The following WNT10A variants were observed in gnomAD, a reference collection of about 807,000 sequenced individuals.
WNT10A encodes the protein Wnt family member 10A.
Under a neutral mutation model 36.1 loss-of-function variants are expected in WNT10A, and 37 were observed. The observed-to-expected ratio is 1.02, with a 90% confidence interval of 0.79 to 1.35. The LOEUF (loss-of-function observed/expected upper bound fraction) is 1.35, where lower values mean the gene tolerates loss of function less well. Among genes scored for constraint, WNT10A ranks in the 40% most tolerant of loss-of-function variants. The probability of loss-of-function intolerance (pLI) is 0.00; values close to 1 mark genes in which losing one functional copy is unlikely to be tolerated. For missense variants in WNT10A, 613 were observed against 601.4 expected, an observed-to-expected ratio of 1.02 and a Z score of -0.20; for synonymous variants, 255 against 254.1, an observed-to-expected ratio of 1.00 and a Z score of -0.03.
In WNT10A at chr2:218,882,400, A is replaced by G. The variant is rs1559412676; in HGVS notation, c.353A>G (p.Tyr118Cys). 2 of 1,614,122 alleles carry G rather than the reference A, an allele frequency of 1.2e-6. No individual in the cohort carries two copies. The highest frequency in any genetic ancestry group is 1.7e-5 in the Admixed American group (1 of 60,016). Reference protein sequence around the residue: ...SSLETRNKIPYESPIFSRGFR... With the variant: ...SSLETRNKIPCESPIFSRGFR... ...CTGGAGACTCGCAACAAGATCCCCT[A>G]TGAGAGTCCCATCTTCAGCAGAGGT... The change falls in exon 2 of 4, where the codon TAT becomes TGT. Residue 118 changes from tyrosine to cysteine, a missense_variant. By Grantham distance (194) the Tyr-to-Cys change is radical. Coordinates refer to ENST00000258411, the MANE Select transcript of WNT10A (RefSeq NM_025216.3).
chr2:218,887,169 C>G (rs1401614726), intron 2 of WNT10A, among the ~76,000 whole-genome samples: 1 of 152,160 alleles, frequency 6.6e-6, no homozygotes, highest in Non-Finnish European at 1.5e-5. Flanking sequence ...AGAAAGATGC[C>G]AGACCTGGGA....
At chr2:218,892,122 A>G (rs1420931249) in intron 3 of WNT10A, among the ~76,000 whole-genome samples, 1 of 151,940 alleles carries the variant, frequency 6.6e-6, no homozygotes, top group Non-Finnish European at 1.5e-5. Flanking sequence ...CCTAGGACGA[A>G]CCATGGGTCT....
Position 218,890,296 on chromosome 2 carries a change from A to G in WNT10A, c.689A>G (p.Asp230Gly), listed in dbSNP as rs780365309. 1 of 1,605,940 alleles carries G rather than the reference A, an allele frequency of 6.2e-7. No homozygotes were observed. Among genetic ancestry groups the G allele is most frequent in the South Asian group, 1.1e-5 (1 of 91,060 alleles). Residue 230 changes from aspartate (D) to glycine (G), a missense_variant, in exon 3 of 4, where the codon GAC becomes GGC. Transcript: ENST00000258411. ...FGERFSKDFLDSREPHRDIHA... is the reference protein window; with the variant it reads ...FGERFSKDFLGSREPHRDIHA... Reference sequence around the variant, plus strand: ...GAGCGCTTTTCTAAGGACTTTCTGGACTCCCGGGAGCCTCACAGAGACATC... The same window carrying G: ...GAGCGCTTTTCTAAGGACTTTCTGGGCTCCCGGGAGCCTCACAGAGACATC...
Position 218,890,100 on chromosome 2 carries a change from G to A in WNT10A, c.493G>A (p.Gly165Arg), listed in dbSNP as rs77583146. Residue 165 changes from glycine (G) to arginine (R), a missense_variant, in exon 3 of 4, where the codon GGG (glycine) becomes AGG (arginine). Transcript: ENST00000258411. ...CTGTGGCTGTGATGCGTCCCGGCGAGGGGACGAGGAGGCCTTCCGTAGGAA... is the reference window on the plus strand; with the variant it reads ...CTGTGGCTGTGATGCGTCCCGGCGAAGGGACGAGGAGGCCTTCCGTAGGAA... The part of the protein sequence containing the change: ...KACGCDASRR[G>R]DEEAFRRKLH... The A allele has an allele frequency of 0.01, 16,609 of 1,614,184 alleles. 108 individuals carry two copies. The highest frequency in any genetic ancestry group is 0.013 in the Non-Finnish European group (14,971 of 1,180,046).
chr2:218,875,187 T>C, the WNT10A span, among the ~76,000 whole-genome samples: 5 of 98,596 alleles, frequency 5.1e-5, no homozygotes, highest in African/African-American at 2.1e-4. Flanking sequence ...TTTTTTTTTT[T>C]TTTTTTTTTT....
At chr2:218,886,855 T>G (rs2106014443) in intron 2 of WNT10A, among the ~76,000 whole-genome samples, 1 of 152,338 alleles carries the variant, frequency 6.6e-6, no homozygotes, top group East Asian at 1.9e-4. Flanking sequence ...GGCCCTGCCT[T>G]GTCACCTCTG....
At chr2:218,881,307 G>C (rs538896382) in intron 1 of WNT10A, among the ~76,000 whole-genome samples, 199 bp downstream of exon 1, 1 of 152,318 alleles carries the variant, frequency 6.6e-6, no homozygotes, top group African/African-American at 2.4e-5. Flanking sequence ...GCAGTCCAGG[G>C]AGACAAGGCA....
upstream of WNT10A, among the ~76,000 whole-genome samples, chr2:218,878,910 G>A (rs1033830964): frequency 6.6e-6 from 1 of 152,068 alleles, no homozygotes; most frequent in African/African-American, 2.4e-5. The surrounding 1 kb of genome is among the most constrained non-coding windows in gnomAD (Gnocchi z 4.1). Context: ...TACCCTTACC[G>A]CTTACCCTTC....
At chr2:218,892,361 G>T (rs1225187988) in intron 3 of WNT10A, among the ~76,000 whole-genome samples, 9 of 143,364 alleles carry the variant, frequency 6.3e-5, no homozygotes, top group Non-Finnish European at 1.4e-4. Flanking sequence ...ACACACACAC[G>T]GCCTGGAGCG....
At chr2:218,889,879 G>A in intron 2 of WNT10A, 105 bp from the exon 3 acceptor site, 1 of 1,571,750 alleles carries the variant, frequency 6.4e-7, no homozygotes. Flanking sequence ...AGACTCTCCT[G>A]CATACTGGGC....
rs924058194 is a variant in WNT10A at position 218,892,833 on chromosome 2, G to A, written c.816G>A (p.Gln272=). The part of the protein sequence containing the change: ...CKCHGTSGSC[Q]LKTCWQVTPE... ...GCCACGGCACGTCAGGCAGCTGCCA[G>A]CTCAAGACGTGCTGGCAGGTGACGC... The change falls in exon 4 of 4, where the codon CAG becomes CAA. Residue 272 remains glutamine, a synonymous_variant. Coordinates refer to ENST00000258411, the MANE Select transcript of WNT10A (RefSeq NM_025216.3). 5.6e-6 allele frequency: 9 copies of A among 1,596,144 alleles called. No individual in the cohort carries two copies. The highest frequency in any genetic ancestry group is 6.0e-6 in the Non-Finnish European group (7 of 1,172,864).
At position 218,882,253 on chromosome 2, in the gene WNT10A, G is replaced by A. The variant is rs751841151; in HGVS notation, c.206G>A (p.Arg69Gln). 1.5e-5 allele frequency: 25 copies of A among 1,614,044 alleles called. No individual in the cohort carries two copies. The East Asian group carries it at 2.2e-4, about 14-fold the overall frequency. Reference protein sequence around the residue: ...TVCLTLPGLSRRQMEVCVRHP... With the variant: ...TVCLTLPGLSQRQMEVCVRHP... ...TGCCTAACATTGCCAGGCCTGAGCC[G>A]GCGGCAGATGGAGGTGTGTGTGCGT... The change falls in exon 2 of 4, where the codon CGG becomes CAG. Residue 69 changes from arginine (R) to glutamine (Q), a missense_variant. Transcript: ENST00000258411.
intron 2 of WNT10A, among the ~76,000 whole-genome samples, chr2:218,887,322 G>C (rs1944590082): frequency 6.6e-6 from 1 of 152,138 alleles, no homozygotes. Context: ...CTGGAGGTCT[G>C]AGTATTGCCA....
Position 218,882,191 on chromosome 2 carries a change from C to A in WNT10A, c.144C>A (p.Arg48=). The stretch of plus-strand genomic sequence containing the variant: ...CACCCAATGACATTCTGGACCTCCG[C>A]CTCCCCCCGGAGCCCGTGCTCAATG... ...RSAPNDILDL[R]LPPEPVLNAN... Residue 48 remains arginine, a synonymous_variant, in exon 2 of 4, where the codon CGC becomes CGA. Coordinates refer to ENST00000258411, the MANE Select transcript of WNT10A (RefSeq NM_025216.3). 1 of 1,614,132 alleles carries A rather than the reference C, an allele frequency of 6.2e-7. No individual in the cohort carries two copies. The highest frequency in any genetic ancestry group is 8.5e-7 in the Non-Finnish European group (1 of 1,180,012).
intron 2 of WNT10A, among the ~76,000 whole-genome samples, chr2:218,888,274 A>G (rs1164245136): frequency 6.6e-6 from 1 of 152,240 alleles, no homozygotes; most frequent in Non-Finnish European, 1.5e-5. Flanking sequence ...CAGAATAAGC[A>G]AAAGATAGCT....
At chr2:218,882,468 T>A in intron 2 of WNT10A, 45 bp downstream of exon 2, 3 of 1,611,164 alleles carry the variant, frequency 1.9e-6, no homozygotes, top group Non-Finnish European at 2.5e-6. Context: ...ATCCAGCATC[T>A]CCACCTCAGA....
At chr2:218,877,079 T>C (rs908269314), upstream of WNT10A, among the ~76,000 whole-genome samples, 2 of 152,140 alleles carry the variant, frequency 1.3e-5, no homozygotes, top group Admixed American at 1.3e-4. The surrounding 1 kb of genome is among the most constrained non-coding windows in gnomAD (Gnocchi z 4.1). Flanking sequence ...TCCTCCACAA[T>C]GCCAGGGAGG....
upstream of WNT10A, among the ~76,000 whole-genome samples, chr2:218,879,689 C>CAGGCAGGCAACACTCAGTGTTGGGG: frequency 6.6e-6 from 1 of 152,368 alleles, no homozygotes; most frequent in East Asian, 1.9e-4. Flanking sequence ...TCTGCGGGCA[C>CAGGCAGGCAACACTCAGTGTTGGGG]AGGCAGGCAA....
At chr2:218,885,681 G>A (rs894023852) in intron 2 of WNT10A, among the ~76,000 whole-genome samples, 4 of 152,216 alleles carry the variant, frequency 2.6e-5, no homozygotes, top group Admixed American at 2.0e-4. Context: ...AGTAGTGTGG[G>A]TTTCCAGGCT....
Sources: allele counts gnomAD v4.1 joint callset (sites outside exome capture counted in the v4.1 genomes callset), GRCh38; gene constraint gnomAD v4.1.1; non-coding constraint Gnocchi (gnomAD v3.1); transcripts MANE v1.5; gene names NCBI Gene and HGNC (gene_info 2026-07-23, HGNC 2026-07-21).